Variants in LRP1B observed in about 807,000 individuals in gnomAD.
LRP1B encodes low-density lipoprotein receptor-related protein 1B.
A neutral mutation model predicts 556.6 loss-of-function variants in LRP1B; 217 were observed. The observed-to-expected ratio is 0.39, with a 90% CI of 0.35 to 0.44. The LOEUF is 0.44. Ranked by LOEUF, LRP1B falls within the 20% of genes least tolerant of loss-of-function variation. The probability of loss-of-function intolerance (pLI) is 1.00; values close to 1 mark genes in which losing one functional copy is unlikely to be tolerated. For missense variants in LRP1B, 5,053 were observed against 5,620.8 expected (o/e 0.90, Z 3.23); for synonymous variants, 2,047 against 1,865.8 (o/e 1.10, Z -2.50).
intron 1 of LRP1B, among the ~76,000 whole-genome samples, chr2:141,863,337 C>T (rs1698310951): frequency 6.6e-6 from 1 of 151,924 alleles, no homozygotes; most frequent in African/African-American, 2.4e-5. Flanking sequence ...TGGTGGCGAA[C>T]CAATAATAAA....
intron 2 of LRP1B, among the ~76,000 whole-genome samples, chr2:141,695,070 T>C (rs1372225312): frequency 6.6e-6 from 1 of 152,030 alleles, no homozygotes; most frequent in African/African-American, 2.4e-5. Flanking sequence ...GAATGATTGT[T>C]CACATTGAAC....
chr2:140,445,178 C>G (rs944440666), intron 63 of LRP1B, among the ~76,000 whole-genome samples: 1 of 151,960 alleles, frequency 6.6e-6, no homozygotes, highest in Non-Finnish European at 1.5e-5. Context: ...TGCAGTGGTG[C>G]AATCTTGGCT....
chr2:141,945,878 C>T (rs979842269), intron 1 of LRP1B, among the ~76,000 whole-genome samples: 12 of 151,964 alleles, frequency 7.9e-5, no homozygotes, highest in Admixed American at 2.0e-4. Flanking sequence ...TTCTTTATTC[C>T]CAGCCAATTC....
At chr2:141,746,765 A>G (rs1693929058) in intron 2 of LRP1B, among the ~76,000 whole-genome samples, 1 of 152,182 alleles carries the variant, frequency 6.6e-6, no homozygotes, top group East Asian at 1.9e-4. Context: ...AAAAATGCCA[A>G]TAAACTAAAC....
At chr2:141,517,884 C>T (rs1163312630) in intron 2 of LRP1B, among the ~76,000 whole-genome samples, 2 of 152,064 alleles carry the variant, frequency 1.3e-5, no homozygotes, top group Non-Finnish European at 2.9e-5. Context: ...TTATAAACTC[C>T]TTTCTTTTGA....
At chr2:140,770,033 T>A (rs966863428) in intron 34 of LRP1B, among the ~76,000 whole-genome samples, 1 of 151,144 alleles carries the variant, frequency 6.6e-6, no homozygotes, top group African/African-American at 2.5e-5. Flanking sequence ...ATATTTATAT[T>A]TTTTTCTTAT....
At chr2:140,656,829 T>C (rs1202545542) in intron 41 of LRP1B, among the ~76,000 whole-genome samples, 1 of 152,144 alleles carries the variant, frequency 6.6e-6, no homozygotes, top group Non-Finnish European at 1.5e-5. Flanking sequence ...AAAGCAAATG[T>C]TACTGACAAA....
In LRP1B at chr2:140,615,645, G is replaced by A. The variant is rs112600649; in HGVS notation, c.6800-14006C>T. 4.6e-3 allele frequency among the ~76,000 whole-genome samples: 705 copies of A among 152,164 alleles called. 8 individuals are homozygous for A. The highest frequency in any genetic ancestry group is 5.0e-3 in the Non-Finnish European group (337 of 67,964). On this transcript the variant is annotated intron_variant, in intron 41 of 90. Transcript: ENST00000389484. ...GCCACAGATACATTGTTTGCATGGA[G>A]TGTTTCTCTTAGCTATTAGAGTGAA... is the stretch of plus-strand genomic sequence containing the variant.
At position 142,034,442 on chromosome 2, in the gene LRP1B, T is replaced by C. The variant is rs1329834541; in HGVS notation, c.82+96206A>G. Reference sequence around the variant, plus strand: ...ACATGTGTTTGCTTGCACTGTTCCCTCTGCACATAATGCCTTTTTTTTCTT... The same window carrying C: ...ACATGTGTTTGCTTGCACTGTTCCCCCTGCACATAATGCCTTTTTTTTCTT... On this transcript the variant is annotated intron_variant, in intron 1 of 90. Coordinates refer to ENST00000389484, the MANE Select transcript of LRP1B (RefSeq NM_018557.3). Among the ~76,000 whole-genome samples the C allele has an allele frequency of 5.3e-5, 8 of 151,910 alleles. No individual in the cohort carries two copies. The East Asian group carries it at 1.6e-3, about 30-fold the overall frequency.
In LRP1B at chr2:140,907,899, G is replaced by T; in HGVS notation, c.3498C>A (p.Gly1166=). The T allele has an allele frequency of 1.9e-6, 3 of 1,613,406 alleles. No homozygotes were observed. Among genetic ancestry groups the T allele is most frequent in the African/African-American group, 2.7e-5 (2 of 74,978 alleles). The change falls in exon 22 of 91, where the codon GGC becomes GGA. Residue 1166 remains glycine (G), a synonymous_variant. Transcript: ENST00000389484. ...TACCACAGAGATAGCCTTCATCAGAGCCATCAGGACAATCCTTTTTCCCAT... is the reference window on the plus strand; with the variant it reads ...TACCACAGAGATAGCCTTCATCAGATCCATCAGGACAATCCTTTTTCCCAT... ...LCNGKKDCPD[G]SDEGYLCDEC... is the part of the protein sequence containing the mutation.
At chr2:140,304,206 T>C (rs13003924) in intron 83 of LRP1B, among the ~76,000 whole-genome samples, 50,304 of 152,026 alleles carry the variant, frequency 0.33, 9,069 homozygotes, top group Non-Finnish European at 0.42. Context: ...AATGGTATTT[T>C]TAGTTATAGA....
At chr2:141,467,280 G>C in intron 3 of LRP1B, among the ~76,000 whole-genome samples, 1 of 151,716 alleles carries the variant, frequency 6.6e-6, no homozygotes, top group South Asian at 2.1e-4. Flanking sequence ...AGTAAGTACC[G>C]ATGGTTTATA....
intron 84 of LRP1B, among the ~76,000 whole-genome samples, chr2:140,289,321 TA>T (rs1460965331): frequency 1.3e-5 from 2 of 151,980 alleles, no homozygotes; most frequent in Non-Finnish European, 2.9e-5. Flanking sequence ...ACTTTTACTC[TA>T]AAAAGATACA....
intron 84 of LRP1B, among the ~76,000 whole-genome samples, chr2:140,296,849 G>A (rs1573750016): frequency 6.6e-6 from 1 of 152,084 alleles, no homozygotes; most frequent in Non-Finnish European, 1.5e-5. Flanking sequence ...CCTGACAGAG[G>A]TGGGATCAAA....
intron 2 of LRP1B, among the ~76,000 whole-genome samples, chr2:141,796,240 A>G (rs1312103924): frequency 6.6e-6 from 1 of 152,050 alleles, no homozygotes; most frequent in Non-Finnish European, 1.5e-5. Flanking sequence ...AGATTACTAG[A>G]AAAATAGTTG....
At chr2:142,039,771 T>A (rs180907002) in intron 1 of LRP1B, among the ~76,000 whole-genome samples, 6 of 151,700 alleles carry the variant, frequency 4.0e-5, no homozygotes, top group Admixed American at 4.0e-4. Context: ...TCATATTCAC[T>A]ATTTCTCATT....
intron 66 of LRP1B, among the ~76,000 whole-genome samples, chr2:140,436,297 T>C (rs1000722897): frequency 2.0e-5 from 3 of 152,182 alleles, no homozygotes; most frequent in Admixed American, 6.5e-5. Flanking sequence ...AGTTAAATTA[T>C]TTTTGAAAGC....
In LRP1B at chr2:140,506,848, A is replaced by C; in HGVS notation, c.8469T>G (p.Val2823=). Residue 2823 remains valine (V), a synonymous_variant, in exon 53 of 91, where the codon GTT becomes GTG. Coordinates refer to ENST00000389484, the MANE Select transcript of LRP1B (RefSeq NM_018557.3). ...CTCCACAGTCGTCATCATGGTCACA[A>C]ACAAATTGCTTGGGAATGCATACTT... is the stretch of plus-strand genomic sequence containing the variant. ...HNKVCIPKQF[V]CDHDDDCGDG... is the part of the protein sequence containing the mutation. 6.2e-7 allele frequency: 1 copy of C among 1,614,096 alleles called. No homozygotes were observed. Among genetic ancestry groups the C allele is most frequent in the Non-Finnish European group, 8.5e-7 (1 of 1,179,982 alleles).
At chr2:141,297,930 T>C (rs1448607186) in intron 3 of LRP1B, among the ~76,000 whole-genome samples, 1 of 152,204 alleles carries the variant, frequency 6.6e-6, no homozygotes, top group East Asian at 1.9e-4. Flanking sequence ...CCTAGTTATA[T>C]AGCAGACTAT....
Sources: gnomAD v4.1 joint callset for allele counts (sites outside exome capture counted in the v4.1 genomes callset) on GRCh38, gnomAD v4.1.1 for gene constraint, MANE v1.5 for transcripts, NCBI Gene and HGNC (gene_info 2026-07-23, HGNC 2026-07-21) for gene names.